DPP10: variants seen among roughly 807,000 people sequenced by gnomAD.
The protein encoded by DPP10 is inactive dipeptidyl peptidase 10.
In DPP10, 33 loss-of-function variants were observed where a neutral mutation model predicts 120.9. That is an observed-to-expected ratio of 0.27 (90% CI 0.21 to 0.37). The LOEUF (loss-of-function observed/expected upper bound fraction) is 0.37. Among genes scored for constraint, DPP10 ranks in the 10% least tolerant of loss-of-function variants. DPP10 has a pLI of 1.00. For missense variants in DPP10, 816 were observed against 942.8 expected, an observed-to-expected ratio of 0.87 and a Z score of 1.76; for synonymous variants, 337 against 326.1, an observed-to-expected ratio of 1.03 and a Z score of -0.36.
intron 1 of DPP10, among the ~76,000 whole-genome samples, chr2:114,887,506 A>G (rs1301580110): frequency 6.6e-6 from 1 of 152,246 alleles, no homozygotes; most frequent in African/African-American, 2.4e-5. Context: ...ACACTCACTG[A>G]GAAACATCCC....
At chr2:114,538,191 G>A (rs143189088) in intron 1 of DPP10, among the ~76,000 whole-genome samples, 1 of 152,322 alleles carries the variant, frequency 6.6e-6, no homozygotes, top group Non-Finnish European at 1.5e-5. Flanking sequence ...GAGTATTAGT[G>A]GCCTGGTTCT....
At chr2:115,154,108 A>C (rs2104916460) in intron 1 of DPP10, among the ~76,000 whole-genome samples, 1 of 151,932 alleles carries the variant, frequency 6.6e-6, no homozygotes, top group South Asian at 2.1e-4. Flanking sequence ...TTTTGGCAGT[A>C]TATATAGTCT....
At chr2:115,546,735 T>C (rs1044749184) in intron 5 of DPP10, among the ~76,000 whole-genome samples, 1 of 152,096 alleles carries the variant, frequency 6.6e-6, no homozygotes, top group Admixed American at 6.6e-5. Flanking sequence ...GAGTGTTATT[T>C]GAGGAACTAA....
At chr2:114,613,208 A>G (rs1207341091) in intron 1 of DPP10, among the ~76,000 whole-genome samples, 2 of 152,196 alleles carry the variant, frequency 1.3e-5, no homozygotes, top group African/African-American at 4.8e-5. Context: ...ATACACACTC[A>G]TATTAGCATA....
At chr2:115,513,398 T>C (rs1419175682) in intron 4 of DPP10, among the ~76,000 whole-genome samples, 1 of 151,932 alleles carries the variant, frequency 6.6e-6, no homozygotes, top group East Asian at 1.9e-4. Flanking sequence ...AGAACATATA[T>C]TGGCCATTTA....
chr2:115,433,013 C>G (rs1425576900), intron 3 of DPP10, among the ~76,000 whole-genome samples: 3 of 152,102 alleles, frequency 2.0e-5, no homozygotes, highest in Admixed American at 6.6e-5. Context: ...GAATCTCCAA[C>G]TCTCCCTGCC....
At chr2:114,934,339 C>G (rs956452170) in intron 1 of DPP10, among the ~76,000 whole-genome samples, 7 of 152,022 alleles carry the variant, frequency 4.6e-5, no homozygotes, top group Non-Finnish European at 2.9e-5. Flanking sequence ...GTGGGTTACA[C>G]TTATTGTATA....
At chr2:115,131,896 C>T (rs577908094) in intron 1 of DPP10, 4 of 151,150 alleles carry the variant, frequency 2.6e-5, no homozygotes, top group Admixed American at 6.6e-5. Context: ...CGAGGTCAGC[C>T]GGGCCAACAT....
At chr2:114,646,416 C>T (rs986690348) in intron 1 of DPP10, among the ~76,000 whole-genome samples, 33 of 152,096 alleles carry the variant, frequency 2.2e-4, no homozygotes, top group Admixed American at 1.3e-4. Context: ...GGGCACATAT[C>T]ACTTGCTTTA....
At chr2:115,591,613 G>C (rs1039512106) in intron 5 of DPP10, among the ~76,000 whole-genome samples, 1 of 152,104 alleles carries the variant, frequency 6.6e-6, no homozygotes, top group Non-Finnish European at 1.5e-5. Context: ...TGTTCTTTTG[G>C]CTTAGGATTG....
chr2:115,606,523 T>C (rs2083715734), intron 5 of DPP10, among the ~76,000 whole-genome samples: 1 of 152,024 alleles, frequency 6.6e-6, no homozygotes, highest in Non-Finnish European at 1.5e-5. Flanking sequence ...AGAGCTGGAG[T>C]GTTGAATCTA....
chr2:115,271,040 A>C (rs2059679297), intron 1 of DPP10, among the ~76,000 whole-genome samples: 1 of 152,242 alleles, frequency 6.6e-6, no homozygotes, highest in African/African-American at 2.4e-5. Context: ...AACCTACTGA[A>C]AACTACTCAA....
At chr2:115,367,212 TAG>T (rs1489453297) in intron 3 of DPP10, among the ~76,000 whole-genome samples, 9 of 151,942 alleles carry the variant, frequency 5.9e-5, no homozygotes, top group Admixed American at 2.0e-4. Context: ...TACCATGGCA[TAG>T]AGTTTTTTTT....
At chr2:114,931,923 T>A (rs902261266) in intron 1 of DPP10, among the ~76,000 whole-genome samples, 33 of 152,244 alleles carry the variant, frequency 2.2e-4, no homozygotes, top group African/African-American at 7.7e-4. Context: ...TATACAAAAA[T>A]TTATTCATTG....
chr2:115,155,986 G>T (rs1414973067), intron 1 of DPP10, among the ~76,000 whole-genome samples: 1 of 151,904 alleles, frequency 6.6e-6, no homozygotes, highest in Non-Finnish European at 1.5e-5. Context: ...TAAATATTTA[G>T]ATATGCAGGA....
At chr2:114,724,890 T>A (rs1463641511) in intron 1 of DPP10, among the ~76,000 whole-genome samples, 1 of 152,174 alleles carries the variant, frequency 6.6e-6, no homozygotes, top group African/African-American at 2.4e-5. Context: ...TGTGGGGTTT[T>A]TTTGTTTGAA....
intron 1 of DPP10, among the ~76,000 whole-genome samples, chr2:114,795,737 A>G (rs1378074245): frequency 6.6e-6 from 1 of 152,216 alleles, no homozygotes; most frequent in Non-Finnish European, 1.5e-5. Flanking sequence ...ATATCAAAAA[A>G]TAGGAAGAAG....
chr2:114,524,252 T>C (rs1040732314), intron 1 of DPP10, among the ~76,000 whole-genome samples: 12 of 152,214 alleles, frequency 7.9e-5, no homozygotes, highest in Non-Finnish European at 1.8e-4. Flanking sequence ...GGAAACAGAA[T>C]GTCAGGGAGG....
At chr2:115,508,934 C>T (rs2077087251) in intron 4 of DPP10, among the ~76,000 whole-genome samples, 1 of 152,026 alleles carries the variant, frequency 6.6e-6, no homozygotes, top group Non-Finnish European at 1.5e-5. Context: ...ATGAAGATGA[C>T]TGCAGATAAG....
Sources: gnomAD v4.1 joint callset for allele counts (sites outside exome capture counted in the v4.1 genomes callset) on GRCh38, gnomAD v4.1.1 for gene constraint, MANE v1.5 for transcripts, NCBI Gene and HGNC (gene_info 2026-07-23, HGNC 2026-07-21) for gene names.